Variants in CAMK1D observed in about 807,000 individuals in gnomAD.
CAMK1D encodes the protein calcium/calmodulin dependent protein kinase ID.
In CAMK1D, 9 loss-of-function variants were observed where a neutral mutation model predicts 47.7. The ratio of observed to expected loss-of-function variants is 0.19; its 90% CI spans 0.11 to 0.33. The LOEUF is 0.33. Ranked by LOEUF, CAMK1D falls within the 10% of genes least tolerant of loss-of-function variation. CAMK1D has a pLI of 1.00. For synonymous variants in CAMK1D, 184 were observed against 184.9 expected (o/e 0.99, Z 0.04); for missense variants, 291 against 488.7 (o/e 0.60, Z 3.81).
At chr10:12,679,653 C>A (rs2132602386) in intron 3 of CAMK1D, among the ~76,000 whole-genome samples, 1 of 152,312 alleles carries the variant, frequency 6.6e-6, no homozygotes, top group South Asian at 2.1e-4. Context: ...TGTATCCATT[C>A]CTGCTTTGGG....
intron 3 of CAMK1D, among the ~76,000 whole-genome samples, chr10:12,738,296 A>T (rs949192219): frequency 2.0e-5 from 3 of 152,218 alleles, no homozygotes; most frequent in Admixed American, 2.0e-4. Flanking sequence ...TGAACAAGAG[A>T]TGCAAAGAGT....
intron 10 of CAMK1D, among the ~76,000 whole-genome samples, chr10:12,828,438 C>T (rs112428802): frequency 3.9e-5 from 6 of 152,142 alleles, no homozygotes; most frequent in African/African-American, 1.2e-4. Context: ...GTCAGGAGTT[C>T]GAGACCAGCC....
intron 1 of CAMK1D, among the ~76,000 whole-genome samples, chr10:12,409,989 C>G (rs1839599777): frequency 6.6e-6 from 1 of 152,132 alleles, no homozygotes; most frequent in Non-Finnish European, 1.5e-5. Flanking sequence ...TCACTGGTAC[C>G]CTGATGTCTT....
chr10:12,569,850 GT>G (rs1837266557), intron 2 of CAMK1D, among the ~76,000 whole-genome samples: 3 of 152,006 alleles, frequency 2.0e-5, no homozygotes, highest in Admixed American at 6.6e-5. Flanking sequence ...TTAAGTGGAT[GT>G]GGCAGTGACC....
At chr10:12,745,034 C>G (rs1835599759) in intron 3 of CAMK1D, among the ~76,000 whole-genome samples, 1 of 152,234 alleles carries the variant, frequency 6.6e-6, no homozygotes, top group Non-Finnish European at 1.5e-5. Context: ...ATGGGGATGT[C>G]CATTCTGGAC....
chr10:12,474,880 C>G (rs1029566044), intron 1 of CAMK1D, among the ~76,000 whole-genome samples: 28 of 141,342 alleles, frequency 2.0e-4, no homozygotes, highest in Middle Eastern at 3.8e-3. Flanking sequence ...TTTTTTTTTG[C>G]TAAGGCTAAT....
rs56786154 is a variant in CAMK1D at position 12,497,475 on chromosome 10, C to CA, written c.93-55728dup. Among the ~76,000 whole-genome samples, 403 of 88,542 alleles carry CA rather than the reference C, an allele frequency of 4.6e-3. 4 individuals are homozygous for CA. The highest frequency in any genetic ancestry group is 0.014 in the East Asian group (45 of 3,306). The allele number at this position is 88,542 out of a possible 152,430, so 58.1% of individuals were successfully genotyped here. A position where few individuals can be genotyped will look rare whatever the true frequency, so the allele number is the denominator to read the frequency against. ...CTGGTGACGGAGCAAGACTCCATCT[C>CA]AAAAAAAAAAAAAAAAAAAAAAGTT... On this transcript the variant is annotated intron_variant, in intron 1 of 10. Transcript: ENST00000619168.
intron 3 of CAMK1D, among the ~76,000 whole-genome samples, chr10:12,691,689 C>T (rs1343616129): frequency 6.6e-6 from 1 of 151,512 alleles, no homozygotes; most frequent in African/African-American, 2.4e-5. Flanking sequence ...CTGACCTTGT[C>T]ATCCGCCCGC....
chr10:12,626,727 G>A (rs566601448), intron 2 of CAMK1D, among the ~76,000 whole-genome samples: 2 of 151,956 alleles, frequency 1.3e-5, no homozygotes, highest in African/African-American at 2.4e-5. Context: ...TGCCTGCCTC[G>A]GCCTCCCAAA....
At chr10:12,576,202 A>C (rs1458017350) in intron 2 of CAMK1D, among the ~76,000 whole-genome samples, 4 of 152,224 alleles carry the variant, frequency 2.6e-5, no homozygotes, top group Non-Finnish European at 5.9e-5. Flanking sequence ...AAATTTACAT[A>C]AGATATGAGT....
At chr10:12,683,141 C>A (rs371620996) in intron 3 of CAMK1D, among the ~76,000 whole-genome samples, 42 of 148,578 alleles carry the variant, frequency 2.8e-4, no homozygotes, top group African/African-American at 1.0e-3. Context: ...GGCTGGAGTG[C>A]GGTGGCGTGA....
At chr10:12,784,861 C>T (rs939012134) in intron 5 of CAMK1D, among the ~76,000 whole-genome samples, 3 of 152,156 alleles carry the variant, frequency 2.0e-5, no homozygotes, top group Non-Finnish European at 4.4e-5. Context: ...AGTTGAATCA[C>T]CAAGTGCTGA....
intron 5 of CAMK1D, among the ~76,000 whole-genome samples, chr10:12,770,830 GA>G (rs1171873602): frequency 6.6e-6 from 1 of 152,092 alleles, no homozygotes; most frequent in African/African-American, 2.4e-5. Flanking sequence ...AAGGCTGGGA[GA>G]GGGTACGAGC....
intron 3 of CAMK1D, among the ~76,000 whole-genome samples, chr10:12,671,816 C>T (rs1228676511): frequency 6.6e-6 from 1 of 151,526 alleles, no homozygotes; most frequent in African/African-American, 2.4e-5. Context: ...GTTTCATTTA[C>T]AGCACAAAAG....
intron 1 of CAMK1D, among the ~76,000 whole-genome samples, chr10:12,435,198 G>A (rs1346830944): frequency 1.4e-5 from 2 of 145,928 alleles, no homozygotes; most frequent in African/African-American, 5.1e-5. Context: ...ACTCCGGCAT[G>A]GGCGAGGAGT....
At chr10:12,646,803 T>C (rs1479729887) in intron 2 of CAMK1D, among the ~76,000 whole-genome samples, 4 of 152,146 alleles carry the variant, frequency 2.6e-5, no homozygotes, top group Non-Finnish European at 5.9e-5. Flanking sequence ...TATCGTTCAG[T>C]TGTTGTGTTG....
Position 12,546,305 on chromosome 10 carries a change from G to A in CAMK1D, c.93-6920G>A, listed in dbSNP as rs191142419. On this transcript the variant is annotated intron_variant, in intron 1 of 10. Transcript: ENST00000619168. ...AGCCACGATGAAGGGATGGAGGAGC[G>A]GGCGGGCATTTGAGAGTCTTGTCAG... Among the ~76,000 whole-genome samples, 95 of 152,208 alleles carry A rather than the reference G, an allele frequency of 6.2e-4. 1 individual carries two copies. The highest frequency in any genetic ancestry group is 1.9e-3 in the East Asian group (10 of 5,186).
intron 3 of CAMK1D, among the ~76,000 whole-genome samples, chr10:12,712,122 A>G (rs1190499137): frequency 1.3e-5 from 2 of 152,208 alleles, no homozygotes; most frequent in East Asian, 1.9e-4. Context: ...GGTACAAAGG[A>G]CATAGCAGAT....
chr10:12,483,627 G>T (rs1330717829), intron 1 of CAMK1D, among the ~76,000 whole-genome samples: 1 of 152,076 alleles, frequency 6.6e-6, no homozygotes, highest in Admixed American at 6.5e-5. Flanking sequence ...GCCTCCCAAA[G>T]CAGTGGGATT....
Sources: gnomAD v4.1 joint callset for allele counts (sites outside exome capture counted in the v4.1 genomes callset) on GRCh38, gnomAD v4.1.1 for gene constraint, MANE v1.5 for transcripts, NCBI Gene and HGNC (gene_info 2026-07-23, HGNC 2026-07-21) for gene names.